The following IGF2BP3 variants were observed in gnomAD, a reference collection of about 807,000 sequenced individuals.
IGF2BP3 encodes insulin like growth factor 2 mRNA binding protein 3.
In IGF2BP3, 9 loss-of-function variants were observed where a neutral mutation model predicts 73.8. The ratio of observed to expected loss-of-function variants is 0.12; its 90% CI spans 0.07 to 0.21. The LOEUF (loss-of-function observed/expected upper bound fraction) is 0.21, where lower values mean the gene tolerates loss of function less well. Among genes scored for constraint, IGF2BP3 ranks in the 10% least tolerant of loss-of-function variants. IGF2BP3 has a pLI of 1.00. For missense variants in IGF2BP3, 542 were observed against 714.0 expected (o/e 0.76, Z 2.75); for synonymous variants, 258 against 256.7 (o/e 1.01, Z -0.05).
At chr7:23,457,221 G>C (rs376418413) in intron 2 of IGF2BP3, among the ~76,000 whole-genome samples, 5 of 152,240 alleles carry the variant, frequency 3.3e-5, no homozygotes, top group East Asian at 3.9e-4. Flanking sequence ...CCAGCACTTT[G>C]GGAGGCTAAG....
chr7:23,427,241 G>A (rs1024602361), intron 2 of IGF2BP3, among the ~76,000 whole-genome samples: 5 of 152,024 alleles, frequency 3.3e-5, no homozygotes, highest in South Asian at 2.1e-4. Context: ...ATGAGGGTGC[G>A]GGCAGGAAGC....
At chr7:23,385,849 G>C (rs1786066709) in intron 3 of IGF2BP3, among the ~76,000 whole-genome samples, 1 of 152,066 alleles carries the variant, frequency 6.6e-6, no homozygotes, top group Non-Finnish European at 1.5e-5. Context: ...TGGGATTACA[G>C]GCATGAGCCA....
At chr7:23,379,635 A>AT (rs1297185846) in intron 3 of IGF2BP3, among the ~76,000 whole-genome samples, 1 of 152,218 alleles carries the variant, frequency 6.6e-6, no homozygotes, top group African/African-American at 2.4e-5. Context: ...AAAACAGTAA[A>AT]TTGCCCTCAC....
At chr7:23,424,270 C>G (rs11981939) in intron 2 of IGF2BP3, among the ~76,000 whole-genome samples, 6,669 of 150,942 alleles carry the variant, frequency 0.044, 472 homozygotes, top group African/African-American at 0.15. Context: ...AGGCTGAGGT[C>G]GGGGGAATCA....
At chr7:23,409,792 G>A (rs1407836688) in intron 3 of IGF2BP3, among the ~76,000 whole-genome samples, 1 of 152,130 alleles carries the variant, frequency 6.6e-6, no homozygotes, top group Non-Finnish European at 1.5e-5. Flanking sequence ...TTTGATTTAG[G>A]CAAAAAGTTT....
intron 3 of IGF2BP3, among the ~76,000 whole-genome samples, chr7:23,401,245 C>A (rs1786652877): frequency 6.6e-6 from 1 of 152,180 alleles, no homozygotes; most frequent in African/African-American, 2.4e-5. Flanking sequence ...CCCTTCCCAG[C>A]AGTACTTGCC....
chr7:23,400,910 G>A (rs1008479741), intron 3 of IGF2BP3, among the ~76,000 whole-genome samples: 3 of 152,124 alleles, frequency 2.0e-5, no homozygotes, highest in South Asian at 2.1e-4. Context: ...AGTAATTCAC[G>A]TGCCTCAGCC....
At chr7:23,410,482 G>A (rs558794056) in intron 3 of IGF2BP3, among the ~76,000 whole-genome samples, 2 of 152,192 alleles carry the variant, frequency 1.3e-5, no homozygotes, top group Non-Finnish European at 2.9e-5. Context: ...AGGGAGCAGG[G>A]TGGGGTCAGA....
At chr7:23,465,481 C>G (rs766687366) in intron 2 of IGF2BP3, among the ~76,000 whole-genome samples, 1 of 152,060 alleles carries the variant, frequency 6.6e-6, no homozygotes, top group Non-Finnish European at 1.5e-5. Flanking sequence ...GGGAGCTAAG[C>G]TTGGTCTGAA....
Position 23,351,592 on chromosome 7 carries a change from A to G in IGF2BP3, c.402-6T>C. On this transcript the variant is annotated splice_region_variant and splice_polypyrimidine_tract_variant and intron_variant, in intron 5 of 14. Coordinates refer to ENST00000258729, the MANE Select transcript of IGF2BP3 (RefSeq NM_006547.3). ...CATTCAGTTTGTCTAGTGCTCTGAA[A>G]GTTGAAAAGGGGCAGGGGTGGGAAA... 6.2e-7 allele frequency: 1 copy of G among 1,613,984 alleles called. No individual in the cohort carries two copies. The highest frequency in any genetic ancestry group is 1.1e-5 in the South Asian group (1 of 91,038).
intron 10 of IGF2BP3, among the ~76,000 whole-genome samples, chr7:23,326,031 A>G (rs965436402): frequency 2.0e-5 from 3 of 152,170 alleles, no homozygotes; most frequent in Non-Finnish European, 4.4e-5. Context: ...CTAAAACACC[A>G]AAAGCAATGG....
chr7:23,334,888 G>GACA (rs1301264877), intron 10 of IGF2BP3, among the ~76,000 whole-genome samples: 1 of 152,076 alleles, frequency 6.6e-6, no homozygotes, highest in Non-Finnish European at 1.5e-5. Context: ...AAGGCATGGA[G>GACA]ACATGCATGT....
In IGF2BP3 at chr7:23,461,773, G is replaced by T. The variant is rs115713909; in HGVS notation, c.236+6709C>A. On this transcript the variant is annotated intron_variant, in intron 2 of 14. Transcript: ENST00000258729. ...CACTACTCCACCCTTCCTTCAATTT[G>T]TGGAAGATGACATACAAAGATAGCC... Among the ~76,000 whole-genome samples, 1,239 of 152,206 alleles carry T rather than the reference G, an allele frequency of 8.1e-3. 30 individuals carry two copies. The highest frequency in any genetic ancestry group is 0.028 in the African/African-American group (1,176 of 41,526).
chr7:23,442,416 T>A (rs1787958347), intron 2 of IGF2BP3, among the ~76,000 whole-genome samples: 1 of 151,916 alleles, frequency 6.6e-6, no homozygotes. Flanking sequence ...TTGTTTTTTT[T>A]AGATGGAGAC....
At chr7:23,354,050 G>A (rs1031516175) in intron 5 of IGF2BP3, among the ~76,000 whole-genome samples, 1 of 152,182 alleles carries the variant, frequency 6.6e-6, no homozygotes, top group African/African-American at 2.4e-5. Context: ...CTGGAGCACA[G>A]TGGTGCGATC....
intron 2 of IGF2BP3, among the ~76,000 whole-genome samples, chr7:23,445,690 A>T (rs529618138): frequency 6.6e-6 from 1 of 152,186 alleles, no homozygotes; most frequent in Non-Finnish European, 1.5e-5. Context: ...GCACATCAAA[A>T]TGCCAGAGAC....
intron 3 of IGF2BP3, among the ~76,000 whole-genome samples, chr7:23,373,065 G>T (rs539142710): frequency 1.3e-5 from 2 of 152,260 alleles, no homozygotes; most frequent in South Asian, 4.1e-4. Flanking sequence ...ACGGAAACCA[G>T]TTCAATCCTT....
At chr7:23,410,012 T>C (rs1786967616) in intron 3 of IGF2BP3, among the ~76,000 whole-genome samples, 1 of 151,946 alleles carries the variant, frequency 6.6e-6, no homozygotes, top group Admixed American at 6.6e-5. Flanking sequence ...CTACCAAAAA[T>C]ACAAAAATTA....
intron 3 of IGF2BP3, among the ~76,000 whole-genome samples, chr7:23,382,856 G>A (rs1445895404): frequency 1.6e-5 from 2 of 125,036 alleles, no homozygotes; most frequent in South Asian, 2.6e-4. Context: ...CTAGGAGTTT[G>A]AGACCATCCT....
Sources: allele counts gnomAD v4.1 joint callset (sites outside exome capture counted in the v4.1 genomes callset), GRCh38; gene constraint gnomAD v4.1.1; transcripts MANE v1.5; gene names NCBI Gene and HGNC (gene_info 2026-07-23, HGNC 2026-07-21).